GRK3: variants seen among roughly 807,000 people sequenced by gnomAD.
The protein encoded by GRK3 is adrenergic, beta, receptor kinase 2.
A neutral mutation model predicts 95.7 loss-of-function variants in GRK3; 54 were observed. The observed-to-expected ratio is 0.56, with a 90% CI of 0.45 to 0.71. The LOEUF is 0.71. Among genes scored for constraint, GRK3 ranks in the 30% least tolerant of loss-of-function variants. The pLI is 0.00. For synonymous variants in GRK3, 281 were observed against 290.8 expected (o/e 0.97, Z 0.34); for missense variants, 649 against 851.2 (o/e 0.76, Z 2.96).
intron 12 of GRK3, among the ~76,000 whole-genome samples, chr22:25,691,172 C>T (rs1434589191): frequency 1.3e-5 from 2 of 152,000 alleles, no homozygotes; most frequent in Non-Finnish European, 2.9e-5. Flanking sequence ...AACACATGTA[C>T]AGTTTGTGGA....
intron 3 of GRK3, among the ~76,000 whole-genome samples, chr22:25,645,980 A>G (rs2084779465): frequency 6.6e-6 from 1 of 151,838 alleles, no homozygotes; most frequent in Non-Finnish European, 1.5e-5. Context: ...AAAAATGACA[A>G]CCCAACCTAG....
At chr22:25,589,368 G>A (rs1338850448) in intron 1 of GRK3, among the ~76,000 whole-genome samples, 1 of 152,116 alleles carries the variant, frequency 6.6e-6, no homozygotes, top group Non-Finnish European at 1.5e-5. Context: ...CTGGTGTCTG[G>A]TCTTTCAACC....
chr22:25,623,087 G>A (rs777609776), intron 2 of GRK3, among the ~76,000 whole-genome samples: 9 of 152,126 alleles, frequency 5.9e-5, no homozygotes, highest in Non-Finnish European at 1.0e-4. Flanking sequence ...AAACACAGGT[G>A]TGTGCCACCA....
At position 25,724,182 on chromosome 22, in the gene GRK3, G is replaced by C. The variant is rs1450695787; in HGVS notation, c.*1732G>C. On this transcript the variant is annotated 3_prime_UTR_variant, in exon 21 of 21. Coordinates refer to ENST00000324198, the MANE Select transcript of GRK3 (RefSeq NM_005160.4). ...AAGCAGAAAAGCCATTGTTCTTAAAGAGTGAATGTCTTCCCAGCCCTGGTT... is the reference window on the plus strand; with the variant it reads ...AAGCAGAAAAGCCATTGTTCTTAAACAGTGAATGTCTTCCCAGCCCTGGTT... 1 of 151,828 alleles carries C rather than the reference G, an allele frequency of 6.6e-6. No homozygotes were observed. The highest frequency in any genetic ancestry group is 2.4e-5 in the African/African-American group (1 of 41,166). The allele number at this position is 151,828 out of a possible 1,614,324, so 9.4% of individuals were successfully genotyped here. A position where few individuals can be genotyped will look rare whatever the true frequency, so the allele number is the denominator to read the frequency against.
intron 6 of GRK3, 105 bp from the exon 7 acceptor site, chr22:25,672,191 A>G (rs1453726203): frequency 5.2e-6 from 3 of 578,344 alleles, no homozygotes; most frequent in Non-Finnish European, 6.1e-6. Flanking sequence ...ACTTTATTTG[A>G]CAAGCAACCC....
At chr22:25,591,521 C>G (rs192978786) in intron 1 of GRK3, among the ~76,000 whole-genome samples, 9 of 152,136 alleles carry the variant, frequency 5.9e-5, no homozygotes, top group African/African-American at 2.2e-4. Context: ...CAACAAGCCC[C>G]CATATTGAAC....
chr22:25,718,995 A>G (rs575954655), intron 19 of GRK3, among the ~76,000 whole-genome samples: 36 of 152,358 alleles, frequency 2.4e-4, no homozygotes, highest in African/African-American at 8.7e-4. Flanking sequence ...TAGAGTATAC[A>G]GGAGGATGTG....
intron 2 of GRK3, among the ~76,000 whole-genome samples, chr22:25,633,905 G>A (rs539187916): frequency 2.0e-5 from 3 of 152,110 alleles, no homozygotes; most frequent in Non-Finnish European, 4.4e-5. Flanking sequence ...GTTATGGTGA[G>A]TGTTCACTAT....
At chr22:25,681,141 T>G (rs2085070772) in intron 9 of GRK3, among the ~76,000 whole-genome samples, 2 of 152,134 alleles carry the variant, frequency 1.3e-5, no homozygotes, top group Non-Finnish European at 2.9e-5. Context: ...GTCATTTAAG[T>G]TCCTCAGAAG....
intron 3 of GRK3, chr22:25,647,122 A>G (rs2146385567): frequency 2.5e-6 from 1 of 397,402 alleles, no homozygotes; most frequent in African/African-American, 2.0e-5. Flanking sequence ...TCCCAGCAAA[A>G]ATTTCCTTCA....
intron 17 of GRK3, among the ~76,000 whole-genome samples, 154 bp from the exon 18 acceptor site, chr22:25,714,251 TATG>T (rs2085365636): frequency 1.3e-5 from 2 of 152,234 alleles, no homozygotes. Flanking sequence ...AGCAGAGATT[TATG>T]ATAACTAAGA....
At chr22:25,624,640 T>C (rs1169269729) in intron 2 of GRK3, among the ~76,000 whole-genome samples, 2 of 152,150 alleles carry the variant, frequency 1.3e-5, no homozygotes, top group Non-Finnish European at 2.9e-5. Flanking sequence ...CTCTACTCAT[T>C]GTCTGTAGCA....
At chr22:25,677,505 T>C (rs896025165) in intron 8 of GRK3, among the ~76,000 whole-genome samples, 1 of 152,146 alleles carries the variant, frequency 6.6e-6, no homozygotes, top group African/African-American at 2.4e-5. Flanking sequence ...AATAAGATAT[T>C]TGAAGAACAT....
chr22:25,588,201 CTGTT>C (rs1031268985), intron 1 of GRK3, among the ~76,000 whole-genome samples: 6 of 152,120 alleles, frequency 3.9e-5, no homozygotes, highest in African/African-American at 1.4e-4. Context: ...CAGCTGGTGT[CTGTT>C]TGGGGATGAT....
chr22:25,657,399 G>A (rs906949375), intron 3 of GRK3, among the ~76,000 whole-genome samples: 1 of 152,028 alleles, frequency 6.6e-6, no homozygotes, highest in African/African-American at 2.4e-5. Flanking sequence ...TTTGATTGTT[G>A]TGTCTTTCCA....
At chr22:25,692,534 G>A (rs752733523) in intron 12 of GRK3, among the ~76,000 whole-genome samples, 1 of 152,224 alleles carries the variant, frequency 6.6e-6, no homozygotes, top group Admixed American at 6.5e-5. Context: ...AGACCTCCTC[G>A]AACGAGCAGC....
At chr22:25,719,941 AAAG>A (rs1346956512) in intron 19 of GRK3, among the ~76,000 whole-genome samples, 3 of 152,220 alleles carry the variant, frequency 2.0e-5, no homozygotes, top group East Asian at 3.9e-4. Context: ...CTTTGAAAAG[AAAG>A]AAGATCTTCC....
chr22:25,695,022 T>C, intron 12 of GRK3, 85 bp from the exon 13 acceptor site: 1 of 881,462 alleles, frequency 1.1e-6, no homozygotes, highest in Non-Finnish European at 1.8e-6. Flanking sequence ...TGCCATCTAA[T>C]GAAGGACACC....
At chr22:25,566,135 T>C (rs537343502) in intron 1 of GRK3, among the ~76,000 whole-genome samples, 19 of 152,344 alleles carry the variant, frequency 1.2e-4, no homozygotes, top group African/African-American at 3.8e-4. Flanking sequence ...GATTTTTTTT[T>C]CTCTAGCTCC....
Sources: allele counts gnomAD v4.1 joint callset (sites outside exome capture counted in the v4.1 genomes callset), GRCh38; gene constraint gnomAD v4.1.1; transcripts MANE v1.5; gene names NCBI Gene and HGNC (gene_info 2026-07-23, HGNC 2026-07-21).